RIMS3: variants seen among roughly 807,000 people sequenced by gnomAD.
RIMS3 encodes the protein regulating synaptic membrane exocytosis protein 3.
A neutral mutation model predicts 29.2 loss-of-function variants in RIMS3; 15 were observed. The observed-to-expected ratio is 0.51, with a 90% CI of 0.34 to 0.79. The LOEUF (loss-of-function observed/expected upper bound fraction) is 0.79. RIMS3 is among the 30% of genes least tolerant of loss of function. The pLI, the probability that RIMS3 is intolerant of heterozygous loss-of-function variation, is 0.01. For missense variants in RIMS3, 342 were observed against 421.4 expected, an observed-to-expected ratio of 0.81 and a Z score of 1.65; for synonymous variants, 161 against 170.1, an observed-to-expected ratio of 0.95 and a Z score of 0.41.
In RIMS3 at chr1:40,649,895, AC is replaced by A. The variant is rs947051125; in HGVS notation, c.-206-2054del. 2.6e-5 allele frequency among the ~76,000 whole-genome samples: 4 copies of A among 152,162 alleles called. No homozygotes were observed. In the East Asian group the frequency reaches 7.7e-4, roughly 29 times the overall value. On this transcript the variant is annotated intron_variant, in intron 1 of 7. Transcript: ENST00000372684. ...GGGTATGGTAAGGGATGGGTTGAGAACCCCAGAGAGGCTGGATACTGTGTAG... is the reference window on the plus strand; with the variant it reads ...GGGTATGGTAAGGGATGGGTTGAGAACCCAGAGAGGCTGGATACTGTGTAG...
At chr1:40,663,323 C>T (rs1642378814) in intron 1 of RIMS3, among the ~76,000 whole-genome samples, 1 of 152,154 alleles carries the variant, frequency 6.6e-6, no homozygotes, top group Non-Finnish European at 1.5e-5. Context: ...CTGGGGGGTA[C>T]ACACAGAGAC....
At chr1:40,638,520 G>A (rs1158386222) in intron 3 of RIMS3, among the ~76,000 whole-genome samples, 1 of 152,162 alleles carries the variant, frequency 6.6e-6, no homozygotes, top group Non-Finnish European at 1.5e-5. Context: ...ACAAACAAAG[G>A]AGGGGCACTC....
chr1:40,624,737 G>A lies in RIMS3; in HGVS notation c.*1780C>T, dbSNP rs533217217. 2.0e-5 allele frequency: 3 copies of A among 152,652 alleles called. No individual in the cohort carries two copies. Among genetic ancestry groups the A allele is most frequent in the Non-Finnish European group, 4.4e-5 (3 of 68,090 alleles). 9.5% of individuals were successfully genotyped at this position (152,652 alleles called of 1,614,324 possible). ...GTAACACAGAACCATGCCAGCCAAGGAGGCCCTTTGGGCTGAGATGACCTA... is the reference window on the plus strand; with the variant it reads ...GTAACACAGAACCATGCCAGCCAAGAAGGCCCTTTGGGCTGAGATGACCTA... On this transcript the variant is annotated 3_prime_UTR_variant, in exon 8 of 8. Coordinates refer to ENST00000372684, the MANE Select transcript of RIMS3 (RefSeq NM_014747.3).
chr1:40,691,777 C>T, the RIMS3 span: 3 of 453,744 alleles, frequency 6.6e-6, no homozygotes, highest in East Asian at 7.2e-5. Context: ...GCACACTTCC[C>T]CCTCCCCTCC....
chr1:40,624,552 A>T lies in RIMS3; in HGVS notation c.*1965T>A, dbSNP rs141219643. On this transcript the variant is annotated 3_prime_UTR_variant, in exon 8 of 8. Coordinates refer to ENST00000372684, the MANE Select transcript of RIMS3 (RefSeq NM_014747.3). The stretch of plus-strand genomic sequence containing the variant: ...CACCCAATGGTCCCTTTCTCTGATA[A>T]TATAAGAATAGAGGCTCAGGCAGAG... 3.9e-5 allele frequency: 6 copies of T among 152,282 alleles called. No individual in the cohort carries two copies. In the East Asian group the frequency reaches 1.2e-3, roughly 29 times the overall value. 9.4% of individuals were successfully genotyped at this position (152,282 alleles called of 1,614,324 possible).
rs148290608 is a variant in RIMS3 at position 40,626,658 on chromosome 1, G to C, written c.786C>G (p.Asp262Glu). ...TGACCGCGGCGCTGAGGTCCAGCTC[G>C]TCCAGCATGATCTGGGCCATGCCCA... ...CFMGMAQIMLDELDLSAAVTG... is the reference protein window; with the variant it reads ...CFMGMAQIMLEELDLSAAVTG... The change falls in exon 8 of 8, where the codon GAC becomes GAG. Residue 262 changes from aspartate to glutamate, a missense_variant. Coordinates refer to ENST00000372684, the MANE Select transcript of RIMS3 (RefSeq NM_014747.3). The C allele has an allele frequency of 1.2e-6, 2 of 1,614,110 alleles. No individual in the cohort carries two copies. The highest frequency in any genetic ancestry group is 1.7e-6 in the Non-Finnish European group (2 of 1,180,052).
At chr1:40,681,511 G>A in the RIMS3 span, 2 of 152,200 alleles carry the variant, frequency 1.3e-5, no homozygotes, top group African/African-American at 2.4e-5. Context: ...TGAGCTGGGC[G>A]ACTTTGGAGA....
At chr1:40,674,838 T>G in the RIMS3 span, among the ~76,000 whole-genome samples, 2 of 152,186 alleles carry the variant, frequency 1.3e-5, no homozygotes, top group African/African-American at 4.8e-5. Flanking sequence ...CTGTAAGAAA[T>G]ATATTTCTAT....
chr1:40,633,780 G>C (rs1646504142), intron 4 of RIMS3, among the ~76,000 whole-genome samples: 2 of 152,128 alleles, frequency 1.3e-5, no homozygotes, highest in Non-Finnish European at 2.9e-5. Context: ...AGGTGCCAAT[G>C]GTACATTAAA....
chr1:40,650,663 A>C (rs1415673435), intron 1 of RIMS3, among the ~76,000 whole-genome samples: 1 of 151,776 alleles, frequency 6.6e-6, no homozygotes, highest in East Asian at 1.9e-4. Flanking sequence ...GGATTTTGAG[A>C]CCAGCCTGAG....
At chr1:40,627,974 G>A (rs1646465645) in intron 7 of RIMS3, among the ~76,000 whole-genome samples, 1 of 152,158 alleles carries the variant, frequency 6.6e-6, no homozygotes, top group Non-Finnish European at 1.5e-5. Context: ...AGCAGCCCTA[G>A]ATGAGAAGTT....
chr1:40,633,532 G>T (rs1646502280), intron 4 of RIMS3, among the ~76,000 whole-genome samples: 1 of 152,226 alleles, frequency 6.6e-6, no homozygotes, highest in Non-Finnish European at 1.5e-5. Flanking sequence ...AAGAACCAGA[G>T]ACATAGGTCA....
upstream of RIMS3, among the ~76,000 whole-genome samples, chr1:40,670,393 T>C (rs1190918568): frequency 6.6e-6 from 1 of 151,474 alleles, no homozygotes; most frequent in Admixed American, 6.6e-5. Context: ...GTCAGCCAGA[T>C]CAACAAGCCA....
At chr1:40,674,303 T>G in the RIMS3 span, among the ~76,000 whole-genome samples, 30 of 152,322 alleles carry the variant, frequency 2.0e-4, no homozygotes, top group Non-Finnish European at 4.3e-4. Context: ...AATCACATGG[T>G]CCTAGTGATG....
rs1001472986 is a variant in RIMS3 at position 40,622,810 on chromosome 1, G to A, written c.*3707C>T. The stretch of plus-strand genomic sequence containing the variant: ...GGAAGATGGGGAATATGAGGTATTA[G>A]GAGGGCTGGAACCCCAGGGGAAGAG... On this transcript the variant is annotated 3_prime_UTR_variant, in exon 8 of 8. Coordinates refer to ENST00000372684, the MANE Select transcript of RIMS3 (RefSeq NM_014747.3). The A allele has an allele frequency of 2.0e-5, 3 of 152,756 alleles. No homozygotes were observed. Among genetic ancestry groups the A allele is most frequent in the African/African-American group, 7.2e-5 (3 of 41,448 alleles). 9.5% of individuals were successfully genotyped at this position (152,756 alleles called of 1,614,324 possible).
the RIMS3 span, among the ~76,000 whole-genome samples, chr1:40,674,246 A>G: frequency 6.6e-6 from 1 of 152,222 alleles, no homozygotes; most frequent in Non-Finnish European, 1.5e-5. Flanking sequence ...AGAAATGACA[A>G]TTTCATGGGA....
chr1:40,663,514 G>T (rs1182541850), intron 1 of RIMS3, among the ~76,000 whole-genome samples: 1 of 152,136 alleles, frequency 6.6e-6, no homozygotes, highest in African/African-American at 2.4e-5. Flanking sequence ...CAATGCCCAG[G>T]CCAGATAATT....
chr1:40,650,863 C>CCAA (rs1408432507), intron 1 of RIMS3, among the ~76,000 whole-genome samples: 4 of 64,554 alleles, frequency 6.2e-5, no homozygotes, highest in African/African-American at 3.1e-4. Context: ...CAGACTCTGT[C>CCAA]AAAAAAAAAA....
chr1:40,668,841 C>T (rs1033441331), upstream of RIMS3, among the ~76,000 whole-genome samples: 6 of 152,294 alleles, frequency 3.9e-5, no homozygotes, highest in East Asian at 3.9e-4. Flanking sequence ...CCCTCCTGCC[C>T]GCCAGCCCCT....
Sources: allele counts gnomAD v4.1 joint callset (sites outside exome capture counted in the v4.1 genomes callset), GRCh38; gene constraint gnomAD v4.1.1; transcripts MANE v1.5; gene names NCBI Gene and HGNC (gene_info 2026-07-23, HGNC 2026-07-21).